The following FAM234B variants were observed in gnomAD, a reference collection of about 807,000 sequenced individuals.
The protein encoded by FAM234B is family with sequence similarity 234 member B.
In FAM234B, 33 loss-of-function variants were observed where a neutral mutation model predicts 69.3. The ratio of observed to expected loss-of-function variants is 0.48; its 90% CI spans 0.36 to 0.64. FAM234B has a LOEUF of 0.64. FAM234B is among the 30% of genes least tolerant of loss of function. The probability of loss-of-function intolerance (pLI) is 0.00; values close to 1 mark genes in which losing one functional copy is unlikely to be tolerated. For synonymous variants in FAM234B, 306 were observed against 306.9 expected, an observed-to-expected ratio of 1.00 and a Z score of 0.03; for missense variants, 697 against 769.7, an observed-to-expected ratio of 0.91 and a Z score of 1.12.
rs1865058561 is a variant in FAM234B at position 13,067,953 on chromosome 12, C to T, written c.1143-351C>T. 6.6e-6 allele frequency among the ~76,000 whole-genome samples: 1 copy of T among 152,228 alleles called. No individual in the cohort carries two copies. Among genetic ancestry groups the T allele is most frequent in the Non-Finnish European group, 1.5e-5 (1 of 68,042 alleles). On this transcript the variant is annotated intron_variant, in intron 7 of 12. Transcript: ENST00000197268. The surrounding 1 kb of genome is among the most constrained non-coding windows in gnomAD (Gnocchi z 4.7). ...TGTATGCCATGGGCTGCTGCCCAAG[C>T]TCATTGGCAACCTCTGGCCTCCTGT...
chr12:13,066,272 A>G (rs1865035458), intron 5 of FAM234B, among the ~76,000 whole-genome samples: 1 of 152,210 alleles, frequency 6.6e-6, no homozygotes, highest in African/African-American at 2.4e-5. Flanking sequence ...TCTAGCTGGA[A>G]CCAAATATTA....
intron 1 of FAM234B, among the ~76,000 whole-genome samples, chr12:13,046,617 T>C (rs1381588296): frequency 6.6e-6 from 1 of 152,122 alleles, no homozygotes; most frequent in Non-Finnish European, 1.5e-5. Context: ...TGCACCACAA[T>C]GCCCAGCTAA....
intron 4 of FAM234B, 159 bp from the exon 5 acceptor site, chr12:13,062,686 C>T (rs1490795391): frequency 1.6e-6 from 1 of 629,480 alleles, no homozygotes; most frequent in Non-Finnish European, 2.7e-6. Flanking sequence ...CCTGCTTCCT[C>T]CTCCTCAGTA....
rs577845380 is a variant in FAM234B at position 13,071,554 on chromosome 12, C to T, written c.1524+158C>T. The stretch of plus-strand genomic sequence containing the variant: ...CTGGAGAAAAGCAGGAACCCTGTGT[C>T]CTCCTGAGCCACACCTTTGCCTTTT... On this transcript the variant is annotated intron_variant, in intron 10 of 12. Coordinates refer to ENST00000197268, the MANE Select transcript of FAM234B (RefSeq NM_020853.2). 3.9e-5 allele frequency among the ~76,000 whole-genome samples: 6 copies of T among 152,276 alleles called. No individual in the cohort carries two copies. The East Asian group carries it at 1.2e-3, about 29-fold the overall frequency.
At chr12:13,064,702 G>A (rs889110851) in intron 5 of FAM234B, among the ~76,000 whole-genome samples, 1 of 152,154 alleles carries the variant, frequency 6.6e-6, no homozygotes, top group African/African-American at 2.4e-5. Flanking sequence ...GGAAAACCTT[G>A]TAGAGGCACT....
chr12:13,066,961 C>G, intron 6 of FAM234B, 174 bp downstream of exon 6: 1 of 901,864 alleles, frequency 1.1e-6, no homozygotes, highest in East Asian at 2.6e-5. Context: ...TCTGCCTTCC[C>G]TTGCTGCCTC....
At position 13,064,211 on chromosome 12, in the gene FAM234B, G is replaced by A. The variant is rs573531395; in HGVS notation, c.852+1236G>A. The stretch of plus-strand genomic sequence containing the variant: ...TAAGCTTTAAGGGTACTTTATGTTC[G>A]TTTTCTTCAGCTAGCCAGTTGGTCT... On this transcript the variant is annotated intron_variant, in intron 5 of 12. Transcript: ENST00000197268. Among the ~76,000 whole-genome samples, 7 of 152,256 alleles carry A rather than the reference G, an allele frequency of 4.6e-5. No individual in the cohort carries two copies. The East Asian group carries it at 7.7e-4, about 17-fold the overall frequency.
At chr12:13,062,589 A>G (rs1290807101) in intron 4 of FAM234B, 2 of 343,528 alleles carry the variant, frequency 5.8e-6, no homozygotes, top group Admixed American at 4.4e-5. Context: ...GAAAGGATTT[A>G]GCACCTCCAT....
chr12:13,075,610 CTTT>C (rs5796522), intron 10 of FAM234B, among the ~76,000 whole-genome samples: 9 of 122,858 alleles, frequency 7.3e-5, no homozygotes, highest in East Asian at 2.4e-4. Context: ...TTTTTTTTCT[CTTT>C]TTTTTTTTTT....
chr12:13,053,740 G>T (rs754872891), intron 1 of FAM234B, among the ~76,000 whole-genome samples: 1 of 152,108 alleles, frequency 6.6e-6, no homozygotes, highest in Admixed American at 6.5e-5. Context: ...GCAGAGAACC[G>T]GTCTGACCAA....
chr12:13,056,948 G>T (rs1401568932), intron 2 of FAM234B, among the ~76,000 whole-genome samples: 1 of 147,688 alleles, frequency 6.8e-6, no homozygotes, highest in Non-Finnish European at 1.5e-5. Flanking sequence ...AATTTTACAT[G>T]AATTTAATCA....
intron 10 of FAM234B, among the ~76,000 whole-genome samples, chr12:13,073,004 A>G (rs1865123773): frequency 6.6e-6 from 1 of 152,192 alleles, no homozygotes; most frequent in South Asian, 2.1e-4. Flanking sequence ...GAAACTCACA[A>G]AATTGCTCGT....
At chr12:13,054,802 A>T (rs1864911409) in intron 1 of FAM234B, among the ~76,000 whole-genome samples, 2 of 152,174 alleles carry the variant, frequency 1.3e-5, no homozygotes, top group Admixed American at 1.3e-4. Flanking sequence ...GCTATCCCAA[A>T]TCAACACTGC....
intron 7 of FAM234B, 52 bp from the exon 8 acceptor site, chr12:13,068,252 C>T: frequency 6.2e-7 from 1 of 1,607,574 alleles, no homozygotes. Flanking sequence ...GTAAATGGCT[C>T]AGAAATCTCA....
Position 13,076,156 on chromosome 12 carries a change from G to A in FAM234B, c.1642+13G>A. ...ACGGCTTCAGAGGGTGAGTCCCAGT[G>A]CCAGCGGGAGTCTGTGTACGCAGAT... On this transcript the variant is annotated intron_variant, in intron 11 of 12. Transcript: ENST00000197268. 1.3e-6 allele frequency: 2 copies of A among 1,568,168 alleles called. No homozygotes were observed. The highest frequency in any genetic ancestry group is 1.8e-6 in the Non-Finnish European group (2 of 1,138,154).
intron 1 of FAM234B, among the ~76,000 whole-genome samples, chr12:13,050,932 A>G (rs891581831): frequency 1.3e-5 from 2 of 152,210 alleles, no homozygotes; most frequent in Non-Finnish European, 2.9e-5. Flanking sequence ...TGCAATATAT[A>G]TCTGCAAGAT....
intron 9 of FAM234B, 133 bp from the exon 10 acceptor site, chr12:13,071,108 G>T: frequency 1.1e-6 from 1 of 895,232 alleles, no homozygotes. Context: ...CACCCAGTTT[G>T]CTTGCATCTT....
Position 13,068,448 on chromosome 12 carries a change from G to T in FAM234B, c.1286+1G>T. On this transcript the variant is annotated splice_donor_variant, in intron 8 of 12. Transcript: ENST00000197268. LOFTEE classifies it high-confidence loss of function. The stretch of plus-strand genomic sequence containing the variant: ...CATTGAGACTTCAAGGCCTGCGCAG[G>T]TTTGCATTGTGTTCCTTCTTGTGTT... 1 of 1,613,880 alleles carries T rather than the reference G, an allele frequency of 6.2e-7. No individual in the cohort carries two copies. Among genetic ancestry groups the T allele is most frequent in the Non-Finnish European group, 8.5e-7 (1 of 1,179,916 alleles).
At chr12:13,055,386 C>T (rs565981651) in intron 1 of FAM234B, among the ~76,000 whole-genome samples, 165 bp from the exon 2 acceptor site, 2 of 152,352 alleles carry the variant, frequency 1.3e-5, no homozygotes, top group African/African-American at 4.8e-5. Flanking sequence ...CCCTGCTTCA[C>T]TGGCTTCTGT....
Sources: allele counts gnomAD v4.1 joint callset (sites outside exome capture counted in the v4.1 genomes callset), GRCh38; gene constraint gnomAD v4.1.1; non-coding constraint Gnocchi (gnomAD v3.1); transcripts MANE v1.5; gene names NCBI Gene and HGNC (gene_info 2026-07-23, HGNC 2026-07-21).